DOP1A: variants seen among roughly 807,000 people sequenced by gnomAD.
The protein encoded by DOP1A is DOP1 leucine zipper like protein A.
DOP1A carries 90 observed loss-of-function variants against 267.6 expected under a neutral mutation model. The observed-to-expected ratio is 0.34, with a 90% CI of 0.28 to 0.40. The LOEUF (loss-of-function observed/expected upper bound fraction) is 0.40, where lower values mean the gene tolerates loss of function less well. DOP1A is among the 10% of genes least tolerant of loss of function. The probability of loss-of-function intolerance (pLI) is 1.00; values close to 1 mark genes in which losing one functional copy is unlikely to be tolerated. For synonymous variants in DOP1A, 932 were observed against 999.1 expected (o/e 0.93, Z 1.27); for missense variants, 2,437 against 2,900.4 (o/e 0.84, Z 3.67).
intron 23 of DOP1A, among the ~76,000 whole-genome samples, chr6:83,140,756 T>G (rs1399694764): frequency 6.6e-6 from 1 of 152,184 alleles, no homozygotes; most frequent in Non-Finnish European, 1.5e-5. Flanking sequence ...TTGATTTGCT[T>G]TTTCTGAAAA....
chr6:83,158,061 A>C (rs903251134), intron 35 of DOP1A, among the ~76,000 whole-genome samples: 11 of 151,538 alleles, frequency 7.3e-5, no homozygotes, highest in Non-Finnish European at 1.2e-4. Context: ...TGCAGTGGCG[A>C]GATCTCAGCT....
intron 34 of DOP1A, 72 bp downstream of exon 34, chr6:83,156,175 AT>A (rs750043785): frequency 5.9e-5 from 75 of 1,272,298 alleles, no homozygotes; most frequent in Non-Finnish European, 7.6e-5. Flanking sequence ...ACTTCTCTAA[AT>A]ACTAAGTTGG....
At position 83,113,238 on chromosome 6, in the gene DOP1A, C is replaced by T. The variant is rs574299028; in HGVS notation, c.682-85C>T. On this transcript the variant is annotated intron_variant, in intron 6 of 38. Coordinates refer to ENST00000349129, the MANE Select transcript of DOP1A (RefSeq NM_015018.4). Reference sequence around the variant, plus strand: ...GATTAGATCCTCAGAAGCATACTTTCGAGAAAATAAAGAGTTGTCACATTT... The same window carrying T: ...GATTAGATCCTCAGAAGCATACTTTTGAGAAAATAAAGAGTTGTCACATTT... 134 of 946,046 alleles carry T rather than the reference C, an allele frequency of 1.4e-4. 3 individuals carry two copies. In the South Asian group the frequency reaches 1.7e-3, roughly 12 times the overall value. 58.6% of individuals were successfully genotyped at this position (946,046 alleles called of 1,614,324 possible). A position where few individuals can be genotyped will look rare whatever the true frequency, so the allele number is the denominator to read the frequency against.
At chr6:83,155,902 A>G in intron 33 of DOP1A, 49 bp from the exon 34 acceptor site, 1 of 1,577,494 alleles carries the variant, frequency 6.3e-7, no homozygotes, top group Non-Finnish European at 8.6e-7. Flanking sequence ...CAACAGAATA[A>G]TCTTTCTTCA....
chr6:83,152,521 A>G (rs1400268576), intron 30 of DOP1A, among the ~76,000 whole-genome samples, 154 bp downstream of exon 30: 1 of 151,858 alleles, frequency 6.6e-6, no homozygotes, highest in Non-Finnish European at 1.5e-5. Context: ...TTGGCCTTGT[A>G]TGTATTTGGA....
chr6:83,156,143 G>C, intron 34 of DOP1A, 40 bp downstream of exon 34: 1 of 1,540,056 alleles, frequency 6.5e-7, no homozygotes, highest in Non-Finnish European at 8.8e-7. Flanking sequence ...TCTAACTACA[G>C]GTTTTTGGTT....
chr6:83,088,771 T>G (rs1769792317), intron 1 of DOP1A, among the ~76,000 whole-genome samples: 1 of 152,202 alleles, frequency 6.6e-6, no homozygotes, highest in Admixed American at 6.5e-5. Context: ...CAGGAGTGAC[T>G]GGCTTTATGA....
intron 1 of DOP1A, among the ~76,000 whole-genome samples, chr6:83,083,291 A>T (rs1013094030): frequency 6.6e-6 from 1 of 152,034 alleles, no homozygotes; most frequent in Non-Finnish European, 1.5e-5. Context: ...ATGTATTTAC[A>T]TTATTATAGT....
rs528171588 is a variant in DOP1A at position 83,143,189 on chromosome 6, G to A, written c.5541+1143G>A. 6.6e-5 allele frequency among the ~76,000 whole-genome samples: 10 copies of A among 152,258 alleles called. No homozygotes were observed. In the South Asian group the frequency reaches 1.2e-3, roughly 19 times the overall value. On this transcript the variant is annotated intron_variant, in intron 24 of 38. Transcript: ENST00000349129. Reference sequence around the variant, plus strand: ...TCCCAGCACTTTGGGAGACCAAGGCGGGAGGATTGCTTGAGGCCAAGAATT... The same window carrying A: ...TCCCAGCACTTTGGGAGACCAAGGCAGGAGGATTGCTTGAGGCCAAGAATT...
intron 1 of DOP1A, among the ~76,000 whole-genome samples, chr6:83,085,238 T>G (rs2128057249): frequency 6.6e-6 from 1 of 152,338 alleles, no homozygotes; most frequent in East Asian, 1.9e-4. Flanking sequence ...TCAGATTATA[T>G]TTGAGGCCCT....
intron 17 of DOP1A, among the ~76,000 whole-genome samples, chr6:83,130,717 T>G (rs191205493): frequency 2.9e-4 from 44 of 151,702 alleles, no homozygotes; most frequent in Admixed American, 2.0e-3. Context: ...GAACTTACTT[T>G]CAGATTAAGT....
chr6:83,170,899 G>C (rs1476975101), downstream of DOP1A: 1 of 158,570 alleles, frequency 6.3e-6, no homozygotes, highest in Non-Finnish European at 1.4e-5. Flanking sequence ...AAATTCTGTT[G>C]GTGAATGTGT....
intron 33 of DOP1A, among the ~76,000 whole-genome samples, chr6:83,154,701 AAG>A (rs1329423281): frequency 2.0e-5 from 3 of 152,292 alleles, no homozygotes; most frequent in East Asian, 3.9e-4. Context: ...TGAAGGAAGA[AAG>A]AGGGGTGCCA....
chr6:83,108,689 T>A (rs1215812229), intron 4 of DOP1A, among the ~76,000 whole-genome samples: 3 of 152,198 alleles, frequency 2.0e-5, no homozygotes, highest in Non-Finnish European at 4.4e-5. Context: ...ATATGAGGAC[T>A]TTGTGAAACA....
At chr6:83,105,875 C>T (rs1176802387) in intron 4 of DOP1A, among the ~76,000 whole-genome samples, 1 of 152,096 alleles carries the variant, frequency 6.6e-6, no homozygotes, top group Non-Finnish European at 1.5e-5. Flanking sequence ...AAAGTTTAAG[C>T]AACACAGTTA....
chr6:83,160,731 T>C (rs1003940107), intron 37 of DOP1A, among the ~76,000 whole-genome samples: 2 of 152,172 alleles, frequency 1.3e-5, no homozygotes, highest in African/African-American at 4.8e-5. Context: ...GTAGTTAAGG[T>C]AATATGAGAA....
chr6:83,119,753 G>C lies in DOP1A; in HGVS notation c.886G>C (p.Asp296His). ...TGTGATTTGTTTCCATGGAGGTTTT[G>C]ATAACAACGGTGCTATCATAGGACC... The part of the protein sequence containing the change: ...RRLYAWLLGF[D>H]NNGAIIGPRS... Residue 296 changes from aspartate (D) to histidine (H), a missense_variant, in exon 9 of 39, where the codon GAT (aspartate) becomes CAT (histidine). By Grantham distance (81) the Asp-to-His change is moderately conservative. This residue lies in a region of DOP1A where 251 missense variants were observed against 359.1 expected (regional missense o/e 0.70). Transcript: ENST00000349129. 6.2e-7 allele frequency: 1 copy of C among 1,610,026 alleles called. No homozygotes were observed. The highest frequency in any genetic ancestry group is 8.5e-7 in the Non-Finnish European group (1 of 1,178,176).
At chr6:83,164,136 T>C (rs1233607375) in intron 38 of DOP1A, among the ~76,000 whole-genome samples, 1 of 148,684 alleles carries the variant, frequency 6.7e-6, no homozygotes, top group Non-Finnish European at 1.5e-5. Flanking sequence ...TCAGAAATTT[T>C]CCAGTCTTCT....
chr6:83,158,205 G>T (rs1446715076), intron 35 of DOP1A, among the ~76,000 whole-genome samples: 1 of 152,056 alleles, frequency 6.6e-6, no homozygotes, highest in African/African-American at 2.4e-5. Flanking sequence ...GTTTCAGCAT[G>T]TTAGCCAGGA....
Sources: allele counts gnomAD v4.1 joint callset (sites outside exome capture counted in the v4.1 genomes callset), GRCh38; gene constraint gnomAD v4.1.1; regional missense constraint gnomAD v4.1.1; transcripts MANE v1.5; gene names NCBI Gene and HGNC (gene_info 2026-07-23, HGNC 2026-07-21).